Variants in ITGA9 observed in about 807,000 individuals in gnomAD.
The protein encoded by ITGA9 is integrin subunit alpha 9, also known as integrin alpha-9.
A neutral mutation model predicts 127.8 loss-of-function variants in ITGA9; 56 were observed. The observed-to-expected ratio is 0.44, with a 90% CI of 0.35 to 0.55. The LOEUF (loss-of-function observed/expected upper bound fraction) is 0.55. Among genes scored for constraint, ITGA9 ranks in the 20% least tolerant of loss-of-function variants. The pLI, the probability that ITGA9 is intolerant of heterozygous loss-of-function variation, is 0.00. For synonymous variants in ITGA9, 508 were observed against 514.5 expected, an observed-to-expected ratio of 0.99 and a Z score of 0.17; for missense variants, 1,196 against 1,347.1, an observed-to-expected ratio of 0.89 and a Z score of 1.76.
intron 18 of ITGA9, among the ~76,000 whole-genome samples, chr3:37,696,778 C>CT (rs932716785): frequency 6.1e-4 from 93 of 152,308 alleles, no homozygotes; most frequent in African/African-American, 2.2e-3. Context: ...GGCATTCCCT[C>CT]TTTTATTTTC....
intron 15 of ITGA9, among the ~76,000 whole-genome samples, chr3:37,620,034 A>G (rs865832073): frequency 6.6e-5 from 10 of 152,178 alleles, no homozygotes; most frequent in African/African-American, 1.7e-4. Context: ...GATTCACTCA[A>G]TTGAGCTGAT....
chr3:37,776,341 T>TAA (rs533203991), intron 23 of ITGA9, among the ~76,000 whole-genome samples: 1 of 150,962 alleles, frequency 6.6e-6, no homozygotes, highest in African/African-American at 2.4e-5. Flanking sequence ...AAATAAAAGT[T>TAA]AAAAAAAAAC....
chr3:37,519,048 G>A (rs1205220014), intron 10 of ITGA9, among the ~76,000 whole-genome samples: 3 of 150,424 alleles, frequency 2.0e-5, no homozygotes, highest in Middle Eastern at 3.5e-3. Flanking sequence ...GCCTGCCAAA[G>A]TGCTGGGATT....
At chr3:37,468,714 A>G (rs1214750173) in intron 1 of ITGA9, among the ~76,000 whole-genome samples, 1 of 152,200 alleles carries the variant, frequency 6.6e-6, no homozygotes, top group East Asian at 1.9e-4. Context: ...GTCCAGGGTC[A>G]TCCTAACCTC....
Position 37,650,281 on chromosome 3 carries a change from C to T in ITGA9, c.1840-3433C>T, listed in dbSNP as rs193200649. Among the ~76,000 whole-genome samples the T allele has an allele frequency of 2.2e-3, 338 of 152,208 alleles. 3 individuals carry two copies. Among genetic ancestry groups the T allele is most frequent in the African/African-American group, 7.8e-3 (322 of 41,514 alleles). On this transcript the variant is annotated intron_variant, in intron 16 of 27. Coordinates refer to ENST00000264741, the MANE Select transcript of ITGA9 (RefSeq NM_002207.3). ...GATTCCAGGTAAGGGAGCATTAGAC[C>T]CCACCTCTCTATGGGAGTAGTTTCA...
chr3:37,519,858 G>A (rs900937437), intron 11 of ITGA9, among the ~76,000 whole-genome samples: 6 of 152,132 alleles, frequency 3.9e-5, no homozygotes, highest in South Asian at 2.1e-4. Context: ...GTTTTTTGCC[G>A]TATCAGCTTG....
chr3:37,715,438 C>G (rs1298080806), intron 18 of ITGA9, among the ~76,000 whole-genome samples: 2 of 152,144 alleles, frequency 1.3e-5, no homozygotes, highest in Non-Finnish European at 2.9e-5. Flanking sequence ...GGTCCCAGTT[C>G]CATCCCCTAG....
chr3:37,568,579 C>T (rs1033839288), intron 15 of ITGA9, among the ~76,000 whole-genome samples: 2 of 152,216 alleles, frequency 1.3e-5, no homozygotes, highest in Non-Finnish European at 2.9e-5. Flanking sequence ...AATTTAACAG[C>T]ACCCAAGTCA....
intron 23 of ITGA9, among the ~76,000 whole-genome samples, chr3:37,773,019 C>T (rs1048492537): frequency 1.3e-5 from 2 of 152,234 alleles, no homozygotes; most frequent in Non-Finnish European, 2.9e-5. Context: ...GGCTGTTTCT[C>T]ACTCGCTTGC....
intron 17 of ITGA9, among the ~76,000 whole-genome samples, chr3:37,668,407 T>C (rs1262640281): frequency 2.0e-5 from 3 of 152,246 alleles, no homozygotes; most frequent in Non-Finnish European, 4.4e-5. Flanking sequence ...TGGAAGCATC[T>C]TTCCAGCAGG....
intron 13 of ITGA9, among the ~76,000 whole-genome samples, chr3:37,526,974 A>AATCTT (rs1231905072): frequency 1.3e-5 from 2 of 152,178 alleles, no homozygotes; most frequent in Non-Finnish European, 2.9e-5. Context: ...GGTAACATTA[A>AATCTT]ATCTTGAATT....
intron 1 of ITGA9, among the ~76,000 whole-genome samples, chr3:37,456,141 C>T (rs951185997): frequency 3.3e-5 from 5 of 152,148 alleles, no homozygotes; most frequent in African/African-American, 7.2e-5. Context: ...TGAGTGGTCC[C>T]GCTGTCACTG....
rs377362853 is a variant in ITGA9, at chr3:37,531,569, C to T, written c.1374-1745C>T. Among the ~76,000 whole-genome samples the T allele has an allele frequency of 9.2e-5, 14 of 152,220 alleles. No homozygotes were observed. The East Asian group carries it at 1.4e-3, about 15-fold the overall frequency. On this transcript the variant is annotated intron_variant, in intron 13 of 27. Coordinates refer to ENST00000264741, the MANE Select transcript of ITGA9 (RefSeq NM_002207.3). ...GAGGAGGATTCGGCCTCCTCCCTGA[C>T]GAGGTGGCCCCTGGGGATGATGGGG...
intron 15 of ITGA9, among the ~76,000 whole-genome samples, chr3:37,575,921 G>C (rs769482550): frequency 4.6e-5 from 7 of 152,170 alleles, no homozygotes; most frequent in Admixed American, 3.9e-4. Context: ...TTTTAGGGGG[G>C]CTAATTTTAG....
chr3:37,795,614 T>C lies in ITGA9; in HGVS notation c.2890-8209T>C, dbSNP rs62241534. On this transcript the variant is annotated intron_variant, in intron 26 of 27. Coordinates refer to ENST00000264741, the MANE Select transcript of ITGA9 (RefSeq NM_002207.3). ...TACTCCCCATTTTCGTCTGTTTTGT[T>C]AGTCAGCGTCCAGTGTGTGAGCCCT... Among the ~76,000 whole-genome samples the C allele has an allele frequency of 7.7e-3, 1,169 of 152,270 alleles. 10 individuals are homozygous for C. Among genetic ancestry groups the C allele is most frequent in the Non-Finnish European group, 0.012 (837 of 68,018 alleles).
At chr3:37,474,863 C>A (rs1214816995) in intron 3 of ITGA9, among the ~76,000 whole-genome samples, 1 of 152,242 alleles carries the variant, frequency 6.6e-6, no homozygotes, top group Non-Finnish European at 1.5e-5. Context: ...TTTGTCCCCT[C>A]TCTAAGGAGC....
intron 17 of ITGA9, among the ~76,000 whole-genome samples, chr3:37,679,664 C>T (rs1700716707): frequency 6.6e-6 from 1 of 152,188 alleles, no homozygotes; most frequent in South Asian, 2.1e-4. Context: ...ACCAACCTCT[C>T]TGACAGTCCT....
intron 18 of ITGA9, among the ~76,000 whole-genome samples, chr3:37,695,790 C>T (rs1700878828): frequency 6.6e-6 from 1 of 152,202 alleles, no homozygotes; most frequent in Non-Finnish European, 1.5e-5. Context: ...ACAGAAAAGC[C>T]ACCTTTTTTA....
At chr3:37,773,263 G>T (rs1696866187) in intron 23 of ITGA9, among the ~76,000 whole-genome samples, 1 of 152,232 alleles carries the variant, frequency 6.6e-6, no homozygotes, top group South Asian at 2.1e-4. Flanking sequence ...CAGAGGTTCT[G>T]TTTCTCTAAA....
Sources: gnomAD v4.1 joint callset for allele counts (sites outside exome capture counted in the v4.1 genomes callset) on GRCh38, gnomAD v4.1.1 for gene constraint, MANE v1.5 for transcripts, NCBI Gene and HGNC (gene_info 2026-07-23, HGNC 2026-07-21) for gene names.